COL15A1: variants seen among roughly 807,000 people sequenced by gnomAD.
The protein encoded by COL15A1 is collagen type XV alpha 1 chain.
A neutral mutation model predicts 165.9 loss-of-function variants in COL15A1; 111 were observed. The observed-to-expected ratio is 0.67, with a 90% CI of 0.57 to 0.78. COL15A1 has a LOEUF of 0.78. COL15A1 is among the 30% of genes least tolerant of loss of function. COL15A1 has a pLI of 0.00. For missense variants in COL15A1, 1,745 were observed against 1,789.7 expected, an observed-to-expected ratio of 0.98 and a Z score of 0.45; for synonymous variants, 659 against 674.8, an observed-to-expected ratio of 0.98 and a Z score of 0.36.
At chr9:99,025,100 C>T (rs902009504) in intron 15 of COL15A1, 101 bp downstream of exon 15, 12 of 940,428 alleles carry the variant, frequency 1.3e-5, no homozygotes, top group Middle Eastern at 3.4e-4. Flanking sequence ...CCAAGGTTCG[C>T]GATGGGGAGA....
Position 99,020,534 on chromosome 9 carries a change from AG to A in COL15A1, c.1701+96del. 4 of 881,520 alleles carry A rather than the reference AG, an allele frequency of 4.5e-6. No individual in the cohort carries two copies. In the East Asian group the frequency reaches 1.0e-4, roughly 22 times the overall value. The allele number at this position is 881,520 out of a possible 1,614,324, so 54.6% of individuals were successfully genotyped here. ...GGTTTGATTTAGCCCACTCTGATCA[AG>A]GGGATCGCAGAAGCAGCAAGAGGGC... On this transcript the variant is annotated intron_variant, in intron 12 of 41. Coordinates refer to ENST00000375001, the MANE Select transcript of COL15A1 (RefSeq NM_001855.5).
intron 39 of COL15A1, among the ~76,000 whole-genome samples, chr9:99,063,523 A>G (rs147313736): frequency 1.2e-4 from 19 of 152,376 alleles, no homozygotes; most frequent in Non-Finnish European, 2.5e-4. Context: ...TGTGGAAGTC[A>G]GCAAAGCAAG....
At chr9:98,988,611 A>C (rs1170467840) in intron 4 of COL15A1, among the ~76,000 whole-genome samples, 1 of 152,178 alleles carries the variant, frequency 6.6e-6, no homozygotes, top group African/African-American at 2.4e-5. Flanking sequence ...TAGAGCAATA[A>C]AATGTGGAAA....
At chr9:99,004,576 A>C (rs1317000398) in intron 8 of COL15A1, among the ~76,000 whole-genome samples, 1 of 152,152 alleles carries the variant, frequency 6.6e-6, no homozygotes, top group African/African-American at 2.4e-5. Flanking sequence ...CAACACAGTG[A>C]CTTAAGCACC....
intron 10 of COL15A1, 112 bp downstream of exon 10, chr9:99,015,678 CAT>C: frequency 9.6e-7 from 1 of 1,039,254 alleles, no homozygotes; most frequent in South Asian, 1.5e-5. Flanking sequence ...GTTATGAGCA[CAT>C]GTCTGGGTGG....
At chr9:98,971,199 G>A (rs1838044827) in intron 2 of COL15A1, among the ~76,000 whole-genome samples, 1 of 152,102 alleles carries the variant, frequency 6.6e-6, no homozygotes, top group Middle Eastern at 3.2e-3. Flanking sequence ...TGGGCCTGAC[G>A]GCTTCCAGGA....
intron 18 of COL15A1, 45 bp downstream of exon 18, chr9:99,035,199 G>C (rs568925825): frequency 6.3e-7 from 1 of 1,581,914 alleles, no homozygotes; most frequent in South Asian, 1.1e-5. Flanking sequence ...TGTGTACTAA[G>C]GGCTACTAGA....
intron 24 of COL15A1, among the ~76,000 whole-genome samples, chr9:99,042,558 T>C (rs1293726909): frequency 6.6e-6 from 1 of 152,270 alleles, no homozygotes; most frequent in Non-Finnish European, 1.5e-5. Context: ...ACAGGCATCC[T>C]GCCAGCTTCT....
At chr9:98,997,418 G>A (rs1838567137) in intron 6 of COL15A1, among the ~76,000 whole-genome samples, 1 of 152,166 alleles carries the variant, frequency 6.6e-6, no homozygotes, top group South Asian at 2.1e-4. Context: ...CTTGCTCTTT[G>A]TTGAATACCT....
At chr9:98,948,414 C>T (rs913380036) in intron 2 of COL15A1, among the ~76,000 whole-genome samples, 7 of 151,980 alleles carry the variant, frequency 4.6e-5, no homozygotes, top group South Asian at 2.1e-4. Flanking sequence ...CTAGCTAACA[C>T]GGTGAAACCC....
Position 99,049,765 on chromosome 9 carries a change from T to C in COL15A1, c.2862+7T>C. The stretch of plus-strand genomic sequence containing the variant: ...TGTGATTAACATCAAAGGAGTAAGT[T>C]GGCACGCAGTGGGAAGACCTTCCCG... On this transcript the variant is annotated splice_region_variant and intron_variant, in intron 29 of 41. Transcript: ENST00000375001. The C allele has an allele frequency of 3.7e-6, 6 of 1,614,246 alleles. No individual in the cohort carries two copies. The highest frequency in any genetic ancestry group is 5.1e-6 in the Non-Finnish European group (6 of 1,180,044).
chr9:99,061,877 G>A lies in COL15A1; in HGVS notation c.3403-94G>A, dbSNP rs910410609. 34 of 1,347,676 alleles carry A rather than the reference G, an allele frequency of 2.5e-5. 1 individual carries two copies. Among genetic ancestry groups the A allele is most frequent in the Middle Eastern group, 3.8e-4 (2 of 5,330 alleles). The allele number at this position is 1,347,676 out of a possible 1,614,324, so 83.5% of individuals were successfully genotyped here. On this transcript the variant is annotated intron_variant, in intron 36 of 41. Transcript: ENST00000375001. ...GCCTCTTTATTGAGTATCTGGGGAC[G>A]GCTCCTAGTTGACTTTACAGAGAGG... is the stretch of plus-strand genomic sequence containing the variant.
At chr9:98,983,096 G>T (rs942862145) in intron 2 of COL15A1, among the ~76,000 whole-genome samples, 1 of 152,162 alleles carries the variant, frequency 6.6e-6, no homozygotes, top group Non-Finnish European at 1.5e-5. Flanking sequence ...TAACAACCAA[G>T]TGTCTCATAT....
chr9:99,047,705 G>A, intron 26 of COL15A1, 81 bp from the exon 27 acceptor site: 1 of 1,455,110 alleles, frequency 6.9e-7, no homozygotes, highest in Non-Finnish European at 9.6e-7. Flanking sequence ...ACCACTGCCT[G>A]CAAAAGCGGG....
intron 2 of COL15A1, among the ~76,000 whole-genome samples, chr9:98,960,619 G>A (rs190439782): frequency 6.6e-6 from 1 of 152,312 alleles, no homozygotes; most frequent in African/African-American, 2.4e-5. Context: ...GTCAGATAGA[G>A]CTGGCCTGGT....
At chr9:99,035,196 T>G (rs376747361) in intron 18 of COL15A1, 42 bp downstream of exon 18, 3 of 1,580,516 alleles carry the variant, frequency 1.9e-6, no homozygotes, top group Non-Finnish European at 2.6e-6. Flanking sequence ...TGATGTGTAC[T>G]AAGGGCTACT....
At chr9:99,068,882 T>C (rs908450059) in intron 41 of COL15A1, among the ~76,000 whole-genome samples, 45 of 152,202 alleles carry the variant, frequency 3.0e-4, no homozygotes, top group African/African-American at 1.0e-3. Flanking sequence ...GACATTTCCA[T>C]TCTCTGAGCC....
intron 28 of COL15A1, 125 bp from the exon 29 acceptor site, chr9:99,049,565 C>G: frequency 8.3e-7 from 1 of 1,199,896 alleles, no homozygotes. Flanking sequence ...CCCTGAGCAA[C>G]CTGAGAGAGA....
rs137919829 is a variant in COL15A1 at position 98,985,623 on chromosome 9, G to A, written c.159G>A (p.Ser53=). The A allele has an allele frequency of 1.6e-4, 254 of 1,614,196 alleles. 1 individual carries two copies. In the East Asian group the frequency reaches 4.7e-3, roughly 30 times the overall value. The change falls in exon 3 of 42, where the codon TCG becomes TCA. Residue 53 remains serine (S), a synonymous_variant. Coordinates refer to ENST00000375001, the MANE Select transcript of COL15A1 (RefSeq NM_001855.5). ...AGCTCATCGGTGTCCCGCTGCCCTC[G>A]TCCGTATCCTTTGTCACAGGCTATG... ...LTQLIGVPLP[S]SVSFVTGYGG...
Sources: gnomAD v4.1 joint callset for allele counts (sites outside exome capture counted in the v4.1 genomes callset) on GRCh38, gnomAD v4.1.1 for gene constraint, MANE v1.5 for transcripts, NCBI Gene and HGNC (gene_info 2026-07-23, HGNC 2026-07-21) for gene names.